Variants in ALK observed in about 807,000 individuals in gnomAD.
The protein encoded by ALK is ALK tyrosine kinase receptor.
ALK carries 74 observed loss-of-function variants against 163.1 expected under a neutral mutation model. The ratio of observed to expected loss-of-function variants is 0.45; its 90% CI spans 0.38 to 0.55. The LOEUF is 0.55. Ranked by LOEUF, ALK falls within the 20% of genes least tolerant of loss-of-function variation. The probability of loss-of-function intolerance (pLI) is 0.00; values close to 1 mark genes in which losing one functional copy is unlikely to be tolerated. For synonymous variants in ALK, 960 were observed against 843.2 expected (o/e 1.14, Z -2.40); for missense variants, 2,063 against 2,105.3 (o/e 0.98, Z 0.39).
intron 13 of ALK, among the ~76,000 whole-genome samples, chr2:29,237,119 C>G (rs1664406668): frequency 6.6e-6 from 1 of 152,200 alleles, no homozygotes; most frequent in Admixed American, 6.5e-5. Flanking sequence ...TTCAATCTGG[C>G]AGAAAATCCT....
At chr2:29,824,662 AT>A (rs2148381421) in intron 1 of ALK, among the ~76,000 whole-genome samples, 1 of 152,230 alleles carries the variant, frequency 6.6e-6, no homozygotes, top group East Asian at 1.9e-4. Context: ...GTTTTGGTCA[AT>A]TTCTTCCATT....
chr2:29,569,075 G>A (rs1462448427), intron 3 of ALK, among the ~76,000 whole-genome samples: 2 of 152,100 alleles, frequency 1.3e-5, no homozygotes, highest in Non-Finnish European at 2.9e-5. Context: ...GCACCCAGAG[G>A]GCTTCCAATC....
intron 1 of ALK, among the ~76,000 whole-genome samples, chr2:29,739,557 CAA>C (rs111281224): frequency 7.2e-4 from 52 of 71,814 alleles, no homozygotes; most frequent in African/African-American, 7.6e-4. Context: ...GAATCTGTCT[CAA>C]AAAAAAAAAA....
chr2:29,330,709 G>C (rs568271156), intron 5 of ALK, among the ~76,000 whole-genome samples: 1 of 152,090 alleles, frequency 6.6e-6, no homozygotes, highest in African/African-American at 2.4e-5. Flanking sequence ...AGGGTTGGGG[G>C]GTATGGGCAA....
At chr2:29,469,849 G>T (rs896919106) in intron 4 of ALK, among the ~76,000 whole-genome samples, 1 of 151,896 alleles carries the variant, frequency 6.6e-6, no homozygotes, top group African/African-American at 2.4e-5. Flanking sequence ...AGAGCTTCTG[G>T]AATTCAATAA....
rs80250630 is a variant in ALK at position 29,227,739 on chromosome 2, G to A, written c.2816-67C>T. The A allele has an allele frequency of 0.014, 18,176 of 1,254,786 alleles. 172 individuals are homozygous for A. The highest frequency in any genetic ancestry group is 0.017 in the Non-Finnish European group (14,561 of 854,954). 77.7% of individuals were successfully genotyped at this position (1,254,786 alleles called of 1,614,324 possible). A position where few individuals can be genotyped will look rare whatever the true frequency, so the allele number is the denominator to read the frequency against. On this transcript the variant is annotated intron_variant, in intron 16 of 28. Coordinates refer to ENST00000389048, the MANE Select transcript of ALK (RefSeq NM_004304.5). The surrounding 1 kb of genome is among the most constrained non-coding windows in gnomAD (Gnocchi z 4.4). ...TGCCAAAATCTTAACACACACACAC[G>A]TCAGTGGGGCATGCAGCTCTGGCCA...
chr2:29,460,078 G>C (rs188785785), intron 4 of ALK, among the ~76,000 whole-genome samples: 1 of 152,300 alleles, frequency 6.6e-6, no homozygotes, highest in East Asian at 1.9e-4. Flanking sequence ...TTGCTCCACA[G>C]TGAAGAGGTT....
chr2:29,529,618 T>G (rs1673062185), intron 4 of ALK, among the ~76,000 whole-genome samples: 1 of 152,268 alleles, frequency 6.6e-6, no homozygotes, highest in African/African-American at 2.4e-5. Flanking sequence ...GCAAATGCCC[T>G]GTTCCTTGCA....
At chr2:29,918,245 A>C (rs1378949190) in intron 1 of ALK, among the ~76,000 whole-genome samples, 1 of 152,248 alleles carries the variant, frequency 6.6e-6, no homozygotes, top group Non-Finnish European at 1.5e-5. Context: ...AGACTGCTGG[A>C]TTCTATGGTC....
At chr2:29,488,558 T>G (rs1671831367) in intron 4 of ALK, among the ~76,000 whole-genome samples, 1 of 152,196 alleles carries the variant, frequency 6.6e-6, no homozygotes, top group Admixed American at 6.5e-5. Flanking sequence ...GCTTTCATGG[T>G]CATATTTCAT....
At chr2:29,461,060 A>G (rs1454470840) in intron 4 of ALK, among the ~76,000 whole-genome samples, 1 of 152,210 alleles carries the variant, frequency 6.6e-6, no homozygotes, top group African/African-American at 2.4e-5. Flanking sequence ...TCTGAATAGG[A>G]GATCAAATCA....
intron 3 of ALK, among the ~76,000 whole-genome samples, chr2:29,658,752 T>G (rs1677264587): frequency 6.6e-6 from 1 of 152,178 alleles, no homozygotes; most frequent in Admixed American, 6.5e-5. Flanking sequence ...GATACAAATT[T>G]TCTGAATTAT....
intron 4 of ALK, among the ~76,000 whole-genome samples, chr2:29,453,962 G>A (rs1670886127): frequency 6.6e-6 from 1 of 152,244 alleles, no homozygotes; most frequent in East Asian, 1.9e-4. Flanking sequence ...TAATAACTTG[G>A]ATTAAATGCA....
intron 9 of ALK, among the ~76,000 whole-genome samples, chr2:29,288,668 G>C (rs1341643330): frequency 6.6e-6 from 1 of 152,078 alleles, no homozygotes; most frequent in African/African-American, 2.4e-5. Flanking sequence ...ACTGTGCCTT[G>C]AACTGGGTGC....
intron 1 of ALK, among the ~76,000 whole-genome samples, chr2:29,809,228 T>C (rs1411179519): frequency 2.6e-5 from 4 of 152,242 alleles, no homozygotes; most frequent in African/African-American, 9.6e-5. Flanking sequence ...TAATGAATAT[T>C]ATGTGTTGGG....
intron 1 of ALK, among the ~76,000 whole-genome samples, chr2:29,900,851 CAAG>C (rs1312041272): frequency 1.4e-4 from 22 of 152,058 alleles, no homozygotes; most frequent in African/African-American, 2.2e-4. Context: ...GAAAAGAAAT[CAAG>C]AAGGAGTGAG....
At chr2:29,701,604 T>C (rs1678737953) in intron 2 of ALK, among the ~76,000 whole-genome samples, 1 of 152,228 alleles carries the variant, frequency 6.6e-6, no homozygotes, top group South Asian at 2.1e-4. Flanking sequence ...TCTTACTTTC[T>C]TGTTCCTGGC....
intron 5 of ALK, among the ~76,000 whole-genome samples, chr2:29,338,083 A>G (rs1434703716): frequency 6.6e-6 from 1 of 152,046 alleles, no homozygotes; most frequent in East Asian, 1.9e-4. Flanking sequence ...AGGACCAGCT[A>G]TGGAGGGTGG....
intron 3 of ALK, among the ~76,000 whole-genome samples, chr2:29,568,860 G>A (rs571739976): frequency 6.6e-6 from 1 of 152,256 alleles, no homozygotes; most frequent in African/African-American, 2.4e-5. Flanking sequence ...CAGTGGTGTC[G>A]CCATGGGCAA....
Sources: allele counts gnomAD v4.1 joint callset (sites outside exome capture counted in the v4.1 genomes callset), GRCh38; gene constraint gnomAD v4.1.1; non-coding constraint Gnocchi (gnomAD v3.1); transcripts MANE v1.5; gene names NCBI Gene and HGNC (gene_info 2026-07-23, HGNC 2026-07-21).